The following EPHA6 variants were observed in gnomAD, a reference collection of about 807,000 sequenced individuals.
EPHA6 encodes the protein ephrin type-A receptor 6.
EPHA6 carries 50 observed loss-of-function variants against 112.0 expected under a neutral mutation model. That is an observed-to-expected ratio of 0.45 (90% CI 0.36 to 0.56). The LOEUF (loss-of-function observed/expected upper bound fraction) is 0.56. Among genes scored for constraint, EPHA6 ranks in the 20% least tolerant of loss-of-function variants. The pLI, the probability that EPHA6 is intolerant of heterozygous loss-of-function variation, is 0.00. For missense variants in EPHA6, 1,280 were observed against 1,417.4 expected (o/e 0.90, Z 1.56); for synonymous variants, 529 against 490.7 (o/e 1.08, Z -1.03).
At chr3:97,263,333 G>A (rs1037247344) in intron 5 of EPHA6, among the ~76,000 whole-genome samples, 5 of 151,468 alleles carry the variant, frequency 3.3e-5, no homozygotes, top group Admixed American at 6.6e-5. Flanking sequence ...TACCCAAAAG[G>A]CATTCATATA....
intron 6 of EPHA6, among the ~76,000 whole-genome samples, chr3:97,411,041 T>A (rs1245765711): frequency 6.6e-6 from 1 of 151,592 alleles, no homozygotes; most frequent in South Asian, 2.1e-4. Flanking sequence ...TACAGTGGAA[T>A]CAGCAAGTTT....
At chr3:97,201,447 C>G (rs939958402) in intron 3 of EPHA6, among the ~76,000 whole-genome samples, 1 of 152,046 alleles carries the variant, frequency 6.6e-6, no homozygotes, top group Non-Finnish European at 1.5e-5. Flanking sequence ...ACAGTTTGTA[C>G]TAAAACTTGA....
chr3:97,745,622 G>A (rs1343019197), intron 16 of EPHA6: 2 of 182,888 alleles, frequency 1.1e-5, no homozygotes, highest in Non-Finnish European at 2.3e-5. Flanking sequence ...ACCCCACCCT[G>A]TAATCTCTCT....
intron 7 of EPHA6, among the ~76,000 whole-genome samples, chr3:97,461,347 A>G (rs1421244329): frequency 2.0e-5 from 3 of 152,158 alleles, no homozygotes; most frequent in African/African-American, 7.2e-5. Context: ...CACATCTCAA[A>G]TATGGGACTT....
chr3:97,139,512 A>G (rs2075845333), intron 3 of EPHA6, among the ~76,000 whole-genome samples: 1 of 152,198 alleles, frequency 6.6e-6, no homozygotes, highest in Admixed American at 6.5e-5. Flanking sequence ...ACACACTCAC[A>G]GTACACAAGT....
intron 14 of EPHA6, among the ~76,000 whole-genome samples, chr3:97,682,059 A>C (rs1315017490): frequency 6.6e-6 from 1 of 152,156 alleles, no homozygotes; most frequent in Non-Finnish European, 1.5e-5. Context: ...AGATATAAGC[A>C]GCATCACACA....
At chr3:97,672,455 G>C (rs557756222) in intron 14 of EPHA6, among the ~76,000 whole-genome samples, 1 of 152,046 alleles carries the variant, frequency 6.6e-6, no homozygotes, top group Admixed American at 6.6e-5. Context: ...TGGTGGGAGT[G>C]GGGGGTGGTG....
chr3:97,660,900 T>C (rs1019766939), intron 14 of EPHA6, among the ~76,000 whole-genome samples: 5 of 152,154 alleles, frequency 3.3e-5, no homozygotes, highest in Admixed American at 6.6e-5. Context: ...GTAAAATGTA[T>C]CTAAGACAGT....
At chr3:96,946,564 C>T (rs927331056) in intron 2 of EPHA6, among the ~76,000 whole-genome samples, 3 of 152,148 alleles carry the variant, frequency 2.0e-5, no homozygotes, top group African/African-American at 7.2e-5. Context: ...TTTCTTAATC[C>T]AGTCTATCAC....
At chr3:97,152,416 AATATT>A (rs1200882752) in intron 3 of EPHA6, among the ~76,000 whole-genome samples, 1 of 149,590 alleles carries the variant, frequency 6.7e-6, no homozygotes, top group Non-Finnish European at 1.5e-5. Flanking sequence ...AGTATAAACT[AATATT>A]ATTATTAATA....
chr3:97,332,182 A>C (rs927041607), intron 5 of EPHA6, among the ~76,000 whole-genome samples: 1 of 152,182 alleles, frequency 6.6e-6, no homozygotes, highest in Non-Finnish European at 1.5e-5. Flanking sequence ...ATAGATGCAG[A>C]AAAGGCCTTT....
chr3:97,356,868 T>C (rs1018861083), intron 5 of EPHA6, among the ~76,000 whole-genome samples: 6 of 152,180 alleles, frequency 3.9e-5, no homozygotes, highest in Admixed American at 6.5e-5. Flanking sequence ...TCTCCATTAT[T>C]GACAATGGGT....
intron 5 of EPHA6, among the ~76,000 whole-genome samples, chr3:97,339,220 A>G (rs1479639864): frequency 1.3e-5 from 2 of 152,176 alleles, no homozygotes; most frequent in African/African-American, 4.8e-5. Flanking sequence ...AGAGGGTGCA[A>G]TTATATGAGG....
At chr3:96,971,453 A>G (rs1358340100) in intron 2 of EPHA6, among the ~76,000 whole-genome samples, 2 of 152,100 alleles carry the variant, frequency 1.3e-5, no homozygotes, top group Non-Finnish European at 2.9e-5. Flanking sequence ...TTTATTCTCC[A>G]AAGCTGGTTA....
At chr3:97,215,962 T>A (rs1043198600) in intron 3 of EPHA6, among the ~76,000 whole-genome samples, 1 of 152,060 alleles carries the variant, frequency 6.6e-6, no homozygotes, top group Non-Finnish European at 1.5e-5. Context: ...CTAACAGGAA[T>A]AAGGGTATAT....
intron 10 of EPHA6, among the ~76,000 whole-genome samples, chr3:97,490,775 G>A (rs2091819175): frequency 6.6e-6 from 1 of 152,188 alleles, no homozygotes. Context: ...CTATCTCACA[G>A]TGTCAGTGGC....
intron 10 of EPHA6, among the ~76,000 whole-genome samples, chr3:97,494,449 A>G (rs1298301385): frequency 3.3e-5 from 5 of 152,168 alleles, no homozygotes; most frequent in East Asian, 1.9e-4. Flanking sequence ...AGAAAATTCA[A>G]TTTAAATTTT....
At chr3:97,025,172 A>C (rs746320149) in intron 3 of EPHA6, among the ~76,000 whole-genome samples, 17 of 152,230 alleles carry the variant, frequency 1.1e-4, no homozygotes, top group Non-Finnish European at 2.5e-4. Flanking sequence ...AAATGAGATA[A>C]TGTACATAGG....
intron 10 of EPHA6, among the ~76,000 whole-genome samples, chr3:97,497,309 C>T (rs531183704): frequency 2.0e-5 from 3 of 152,274 alleles, no homozygotes; most frequent in South Asian, 4.1e-4. Flanking sequence ...ACATGCACTC[C>T]TATCTCAAGA....
Sources: gnomAD v4.1 joint callset for allele counts (sites outside exome capture counted in the v4.1 genomes callset) on GRCh38, gnomAD v4.1.1 for gene constraint, MANE v1.5 for transcripts, NCBI Gene and HGNC (gene_info 2026-07-23, HGNC 2026-07-21) for gene names.